Variants in CADM2 observed in about 807,000 individuals in gnomAD.
CADM2 encodes immunoglobulin superfamily member 4D.
Under a neutral mutation model 49.8 loss-of-function variants are expected in CADM2, and 12 were observed. The observed-to-expected ratio is 0.24, with a 90% CI of 0.15 to 0.39. The LOEUF (loss-of-function observed/expected upper bound fraction) is 0.39. CADM2 is among the 10% of genes least tolerant of loss of function. CADM2 has a pLI of 1.00. For synonymous variants in CADM2, 214 were observed against 175.4 expected (o/e 1.22, Z -1.74); for missense variants, 378 against 492.3 (o/e 0.77, Z 2.20).
chr3:85,717,835 G>A (rs1002064761), intron 1 of CADM2, among the ~76,000 whole-genome samples: 5 of 152,010 alleles, frequency 3.3e-5, no homozygotes, highest in African/African-American at 4.8e-5. Context: ...TGGCACTATC[G>A]TGGCTCACTG....
At chr3:84,994,291 T>C (rs4856556) in intron 1 of CADM2, among the ~76,000 whole-genome samples, 1 of 152,144 alleles carries the variant, frequency 6.6e-6, no homozygotes, top group South Asian at 2.1e-4. Flanking sequence ...TGAAGTTCCC[T>C]TTTACTTCAA....
intron 1 of CADM2, among the ~76,000 whole-genome samples, chr3:85,045,566 A>C (rs1035799914): frequency 6.6e-6 from 1 of 152,124 alleles, no homozygotes; most frequent in Non-Finnish European, 1.5e-5. Context: ...TGTATACTTT[A>C]TAATGTTCCA....
At chr3:85,549,435 G>T (rs2061745149) in intron 1 of CADM2, among the ~76,000 whole-genome samples, 1 of 152,102 alleles carries the variant, frequency 6.6e-6, no homozygotes, top group Non-Finnish European at 1.5e-5. Context: ...ATGCATGGGA[G>T]AAATAACAAG....
chr3:85,321,139 T>A lies in CADM2; in HGVS notation c.61+361471T>A, dbSNP rs1452716610. 4.6e-3 allele frequency among the ~76,000 whole-genome samples: 202 copies of A among 43,512 alleles called. 10 individuals carry two copies. The highest frequency in any genetic ancestry group is 0.01 in the South Asian group (11 of 1,098). 28.5% of individuals were successfully genotyped at this position (43,512 alleles called of 152,430 possible). ...ATATTTTTTTTTTTTTTTTTTTTTTTTTTTTTTTTTTTTTTTTTTTTTTTT... is the reference window on the plus strand; with the variant it reads ...ATATTTTTTTTTTTTTTTTTTTTTTATTTTTTTTTTTTTTTTTTTTTTTTT... On this transcript the variant is annotated intron_variant, in intron 1 of 9. Transcript: ENST00000383699.
chr3:85,298,035 C>T (rs1022836367), intron 1 of CADM2, among the ~76,000 whole-genome samples: 1 of 151,914 alleles, frequency 6.6e-6, no homozygotes, highest in Non-Finnish European at 1.5e-5. Context: ...AATGATGTTC[C>T]AGTTTATTAC....
intron 2 of CADM2, among the ~76,000 whole-genome samples, chr3:85,755,806 A>G (rs569256058): frequency 5.9e-5 from 9 of 152,264 alleles, no homozygotes; most frequent in Admixed American, 5.9e-4. Context: ...ACCCCTCACC[A>G]GGTCCCTCCT....
intron 8 of CADM2, among the ~76,000 whole-genome samples, chr3:85,970,018 G>T (rs1725928476): frequency 6.8e-6 from 1 of 147,326 alleles, no homozygotes. Context: ...CACACAAACA[G>T]CCTTGACTTC....
rs1311814224 is a variant in CADM2 at position 85,288,649 on chromosome 3, C to A, written c.61+328981C>A. ...GGGAGTTGGCTCAGCTATACCTGAT[C>A]TGTAGGTGCACATGCAAAATTCAGT... On this transcript the variant is annotated intron_variant, in intron 1 of 9. Transcript: ENST00000383699. Among the ~76,000 whole-genome samples, 3 of 152,010 alleles carry A rather than the reference C, an allele frequency of 2.0e-5. No homozygotes were observed. The East Asian group carries it at 5.9e-4, about 30-fold the overall frequency.
At chr3:85,670,687 A>G (rs528883180) in intron 1 of CADM2, among the ~76,000 whole-genome samples, 6 of 152,334 alleles carry the variant, frequency 3.9e-5, no homozygotes, top group Admixed American at 3.3e-4. Context: ...ATGGCCATGT[A>G]TGATCTGAAG....
At chr3:85,650,522 C>A (rs1270837428) in intron 1 of CADM2, among the ~76,000 whole-genome samples, 2 of 139,568 alleles carry the variant, frequency 1.4e-5, no homozygotes, top group Non-Finnish European at 3.1e-5. Context: ...AAAAAAAAAC[C>A]TCCAAAGAGA....
At chr3:85,042,878 AT>A (rs1423224105) in intron 1 of CADM2, among the ~76,000 whole-genome samples, 1 of 152,174 alleles carries the variant, frequency 6.6e-6, no homozygotes. Context: ...TCACAGACAG[AT>A]TAATAGGCGG....
intron 1 of CADM2, among the ~76,000 whole-genome samples, chr3:85,523,850 AG>A (rs2061089671): frequency 6.6e-6 from 1 of 152,152 alleles, no homozygotes; most frequent in African/African-American, 2.4e-5. Flanking sequence ...GATAAAACAG[AG>A]TTTTGTTGAT....
At chr3:85,640,994 A>G (rs1418074560) in intron 1 of CADM2, among the ~76,000 whole-genome samples, 2 of 152,152 alleles carry the variant, frequency 1.3e-5, no homozygotes, top group Non-Finnish European at 2.9e-5. Context: ...ACATTATTCG[A>G]AGAGTCAACC....
chr3:85,808,629 A>G (rs1194624038), intron 3 of CADM2, among the ~76,000 whole-genome samples: 2 of 152,310 alleles, frequency 1.3e-5, no homozygotes, highest in African/African-American at 2.4e-5. Flanking sequence ...TTCAACAGAT[A>G]CATCTCTGTG....
chr3:85,516,656 GATGAC>G (rs1263825776), intron 1 of CADM2, among the ~76,000 whole-genome samples: 1 of 151,866 alleles, frequency 6.6e-6, no homozygotes, highest in Non-Finnish European at 1.5e-5. Context: ...ATACAAAAGA[GATGAC>G]ATGAAACATG....
At chr3:85,796,376 A>G (rs532075724) in intron 2 of CADM2, among the ~76,000 whole-genome samples, 6 of 152,254 alleles carry the variant, frequency 3.9e-5, no homozygotes, top group African/African-American at 1.4e-4. Context: ...CAAGATTGAT[A>G]GTTCTCCATG....
At chr3:85,907,979 A>G (rs1392487316) in intron 5 of CADM2, among the ~76,000 whole-genome samples, 2 of 151,994 alleles carry the variant, frequency 1.3e-5, no homozygotes, top group African/African-American at 4.8e-5. Flanking sequence ...GCAAAAGTGG[A>G]GAAAGCAAAT....
At chr3:85,145,289 A>G (rs924096496) in intron 1 of CADM2, among the ~76,000 whole-genome samples, 8 of 152,164 alleles carry the variant, frequency 5.3e-5, no homozygotes, top group Non-Finnish European at 1.2e-4. Flanking sequence ...CAGTGGTTGA[A>G]TTTTTGTAAA....
At chr3:85,326,161 C>T (rs1398933609) in intron 1 of CADM2, among the ~76,000 whole-genome samples, 1 of 152,040 alleles carries the variant, frequency 6.6e-6, no homozygotes, top group African/African-American at 2.4e-5. Context: ...TTCTCAGAGA[C>T]TGAAAGAGAT....
Sources: allele counts gnomAD v4.1 joint callset (sites outside exome capture counted in the v4.1 genomes callset), GRCh38; gene constraint gnomAD v4.1.1; transcripts MANE v1.5; gene names NCBI Gene and HGNC (gene_info 2026-07-23, HGNC 2026-07-21).